Variants in TRIM36 observed in about 807,000 individuals in gnomAD.
TRIM36 encodes the protein tripartite motif containing 36.
In TRIM36, 42 loss-of-function variants were observed where a neutral mutation model predicts 72.4. That is an observed-to-expected ratio of 0.58 (90% CI 0.45 to 0.75). The LOEUF (loss-of-function observed/expected upper bound fraction) is 0.75, where lower values mean the gene tolerates loss of function less well. TRIM36 is among the 30% of genes least tolerant of loss of function. The pLI is 0.00. For missense variants in TRIM36, 913 were observed against 857.1 expected (o/e 1.07, Z -0.81); for synonymous variants, 315 against 282.8 (o/e 1.11, Z -1.14).
chr5:115,147,635 C>A (rs143541682), intron 2 of TRIM36, among the ~76,000 whole-genome samples: 1 of 152,148 alleles, frequency 6.6e-6, no homozygotes, highest in African/African-American at 2.4e-5. Context: ...CTACAGTAAA[C>A]CCACATAGAA....
rs766317936 is a variant in TRIM36 at position 115,126,709 on chromosome 5, G to C, written c.1945C>G (p.Pro649Ala). 2 of 1,614,130 alleles carry C rather than the reference G, an allele frequency of 1.2e-6. No individual in the cohort carries two copies. The highest frequency in any genetic ancestry group is 1.7e-6 in the Non-Finnish European group (2 of 1,180,024). ...SSNEPENRVLPMPTSIGIFLD... is the reference protein window; with the variant it reads ...SSNEPENRVLAMPTSIGIFLD... ...AAAATCCCAATACTTGTTGGCATAG[G>C]GAGAACTCTATTTTCAGGTTCATTA... The change falls in exon 10 of 10, where the codon CCT (proline) becomes GCT (alanine). Residue 649 changes from proline to alanine, a missense_variant. By Grantham distance (27) the Pro-to-Ala change is conservative. Transcript: ENST00000513154.
At chr5:115,163,842 T>C (rs1754621079) in intron 1 of TRIM36, 90 bp from the exon 2 acceptor site, 2 of 1,036,308 alleles carry the variant, frequency 1.9e-6, no homozygotes, top group Non-Finnish European at 2.8e-6. Flanking sequence ...TGTGTTTATT[T>C]TTCCAAAAAG....
At chr5:115,170,529 G>A (rs1755059095), upstream of TRIM36, among the ~76,000 whole-genome samples, 1 of 152,148 alleles carries the variant, frequency 6.6e-6, no homozygotes, top group Non-Finnish European at 1.5e-5. Flanking sequence ...GCGCGGCCTG[G>A]GGTTCCCTGG....
rs145120761 is a variant in TRIM36 at position 115,138,827 on chromosome 5, T to A, written c.832-1211A>T. Among the ~76,000 whole-genome samples the A allele has an allele frequency of 3.5e-3, 526 of 152,230 alleles. 5 individuals are homozygous for A. Among genetic ancestry groups the A allele is most frequent in the African/African-American group, 0.012 (514 of 41,540 alleles). ...AAAAAAAGTCTTCAAGAACATTCTT[T>A]TTTTTTGAGACAGAGTCTCGCTCTG... On this transcript the variant is annotated intron_variant, in intron 5 of 9. Coordinates refer to ENST00000513154, the MANE Select transcript of TRIM36 (RefSeq NM_001300759.2).
chr5:115,136,895 T>G, intron 7 of TRIM36, 105 bp downstream of exon 7: 791 of 1,148,840 alleles, frequency 6.9e-4, no homozygotes, highest in Non-Finnish European at 8.5e-4. Context: ...CCTGGGCAAG[T>G]GAGATGCTGC....
At chr5:115,139,330 C>T (rs1349350980) in intron 5 of TRIM36, among the ~76,000 whole-genome samples, 3 of 151,978 alleles carry the variant, frequency 2.0e-5, no homozygotes, top group Admixed American at 6.6e-5. Context: ...ACCATGTTGG[C>T]CAGGCTGGTC....
At chr5:115,150,773 G>A (rs1442934848) in intron 2 of TRIM36, among the ~76,000 whole-genome samples, 5 of 152,170 alleles carry the variant, frequency 3.3e-5, no homozygotes, top group Non-Finnish European at 5.9e-5. Flanking sequence ...ACCTCCACTG[G>A]GGAAACTGAA....
At chr5:115,175,335 G>A (rs1580717477) in intron 1 of TRIM36, among the ~76,000 whole-genome samples, 1 of 152,114 alleles carries the variant, frequency 6.6e-6, no homozygotes, top group Non-Finnish European at 1.5e-5. Flanking sequence ...ATGATGTGTC[G>A]ATAACAGTAT....
At position 115,140,430 on chromosome 5, in the gene TRIM36, T is replaced by A. The variant is rs112843262; in HGVS notation, c.831+849A>T. On this transcript the variant is annotated intron_variant, in intron 5 of 9. Coordinates refer to ENST00000513154, the MANE Select transcript of TRIM36 (RefSeq NM_001300759.2). ...TTTCTAATTTTTTATTGAAACATAA[T>A]ACACAAATGGAAAAATGTACATGTA... Among the ~76,000 whole-genome samples, 13 of 152,298 alleles carry A rather than the reference T, an allele frequency of 8.5e-5. 1 individual carries two copies. Among genetic ancestry groups the A allele is most frequent in the African/African-American group, 3.1e-4 (13 of 41,570 alleles).
intron 1 of TRIM36, among the ~76,000 whole-genome samples, chr5:115,175,864 C>T (rs904330920): frequency 2.6e-5 from 4 of 152,104 alleles, no homozygotes; most frequent in Admixed American, 2.0e-4. Context: ...GTGGCTCACC[C>T]CTGTAATCCC....
upstream of TRIM36, among the ~76,000 whole-genome samples, chr5:115,172,224 A>T (rs1292730840): frequency 6.6e-6 from 1 of 152,178 alleles, no homozygotes; most frequent in Non-Finnish European, 1.5e-5. Context: ...ATCTCAAGGG[A>T]CATTTTACAA....
chr5:115,147,514 T>G (rs1317803314), intron 2 of TRIM36, 120 bp from the exon 3 acceptor site: 4 of 1,172,710 alleles, frequency 3.4e-6, no homozygotes, highest in Non-Finnish European at 4.7e-6. Flanking sequence ...GTATCCGAAG[T>G]GGCTCCACGT....
chr5:115,135,957 T>C (rs1351340951), intron 7 of TRIM36, among the ~76,000 whole-genome samples: 6 of 152,110 alleles, frequency 3.9e-5, no homozygotes, highest in Admixed American at 3.9e-4. Flanking sequence ...AAATATATCT[T>C]TGTAGTGTTC....
chr5:115,135,479 TAA>T (rs11409468), intron 7 of TRIM36, among the ~76,000 whole-genome samples: 2 of 143,346 alleles, frequency 1.4e-5, no homozygotes. Flanking sequence ...CATAGCTTAC[TAA>T]AAAAAAAAAA....
intron 1 of TRIM36, chr5:115,179,871 C>T: frequency 8.7e-6 from 10 of 1,151,248 alleles, no homozygotes; most frequent in Non-Finnish European, 1.1e-5. Context: ...TCCAGCCTCC[C>T]GCCCTTCCCA....
intron 7 of TRIM36, among the ~76,000 whole-genome samples, chr5:115,136,296 T>A (rs6881678): frequency 1 from 152,221 of 152,266 alleles, 76,088 homozygotes; most frequent in Middle Eastern, 1. Context: ...TAGATCTCTC[T>A]CACACACACA....
Position 115,152,836 on chromosome 5 carries a change from G to A in TRIM36, c.263-5442C>T, listed in dbSNP as rs550042240. On this transcript the variant is annotated intron_variant, in intron 2 of 9. Transcript: ENST00000513154. Reference sequence around the variant, plus strand: ...TGCTGAGAGAAGTCACCACTACCAAGCCTCCTCTAAAAGAACTGCTAAAAG... The same window carrying A: ...TGCTGAGAGAAGTCACCACTACCAAACCTCCTCTAAAAGAACTGCTAAAAG... Among the ~76,000 whole-genome samples the A allele has an allele frequency of 2.0e-4, 30 of 152,200 alleles. 1 individual carries two copies. The South Asian group carries it at 2.7e-3, about 14-fold the overall frequency.
intron 7 of TRIM36, 28 bp downstream of exon 7, chr5:115,136,972 T>C: frequency 6.5e-7 from 1 of 1,537,714 alleles, no homozygotes; most frequent in Non-Finnish European, 8.7e-7. Flanking sequence ...ACAAAAAGAA[T>C]GAGGTTTTTG....
chr5:115,179,003 T>C (rs1755476646), intron 1 of TRIM36, among the ~76,000 whole-genome samples: 2 of 152,122 alleles, frequency 1.3e-5, no homozygotes, highest in Non-Finnish European at 1.5e-5. Flanking sequence ...TACAGAATCA[T>C]CCTCCTTTCT....
Sources: allele counts gnomAD v4.1 joint callset (sites outside exome capture counted in the v4.1 genomes callset), GRCh38; gene constraint gnomAD v4.1.1; transcripts MANE v1.5; gene names NCBI Gene and HGNC (gene_info 2026-07-23, HGNC 2026-07-21).